Variants in TCP11L2 observed in about 807,000 individuals in gnomAD.
TCP11L2 encodes the protein t-complex 11 like 2, also known as T-complex protein 11-like protein 2.
Under a neutral mutation model 50.7 loss-of-function variants are expected in TCP11L2, and 39 were observed. The observed-to-expected ratio is 0.77, with a 90% CI of 0.60 to 1.01. The LOEUF is 1.01. TCP11L2 is among the 50% of genes least tolerant of loss of function. The pLI is 0.00. For synonymous variants in TCP11L2, 192 were observed against 219.3 expected (o/e 0.88, Z 1.10); for missense variants, 612 against 614.7 (o/e 1.00, Z 0.05).
chr12:106,299,523 C>T (rs978532900), upstream of TCP11L2, among the ~76,000 whole-genome samples: 1 of 152,178 alleles, frequency 6.6e-6, no homozygotes, highest in Admixed American at 6.5e-5. Context: ...CTCAACACAA[C>T]AGCAGCAATG....
chr12:106,321,628 TGG>T lies in TCP11L2; in HGVS notation c.559_560del (p.Gly187LysfsTer9). 1 of 1,614,232 alleles carries T rather than the reference TGG, an allele frequency of 6.2e-7. No homozygotes were observed. The highest frequency in any genetic ancestry group is 2.2e-5 in the East Asian group (1 of 44,882). ...CTGGCCAACTATGTCATCAGTACGA[TGG>T]GAAAGCTGTGTGCTCCCGTGCGAGA... is the stretch of plus-strand genomic sequence containing the variant. On this transcript the variant is annotated frameshift_variant, in exon 5 of 10. Coordinates refer to ENST00000299045, the MANE Select transcript of TCP11L2 (RefSeq NM_152772.3). LOFTEE classifies it high-confidence loss of function.
At position 106,320,128 on chromosome 12, in the gene TCP11L2, C is replaced by T. The variant is rs540293947; in HGVS notation, c.415-1358C>T. ...AAAAAAGATAGATTCCAGCTGGGCGCGGCGGCTCATGCCTGTAATCCCAGA... is the reference window on the plus strand; with the variant it reads ...AAAAAAGATAGATTCCAGCTGGGCGTGGCGGCTCATGCCTGTAATCCCAGA... On this transcript the variant is annotated intron_variant, in intron 4 of 9. Coordinates refer to ENST00000299045, the MANE Select transcript of TCP11L2 (RefSeq NM_152772.3). Among the ~76,000 whole-genome samples, 8 of 152,304 alleles carry T rather than the reference C, an allele frequency of 5.3e-5. No homozygotes were observed. The South Asian group carries it at 6.2e-4, about 12-fold the overall frequency.
upstream of TCP11L2, among the ~76,000 whole-genome samples, chr12:106,298,600 C>A (rs1001058968): frequency 6.6e-6 from 1 of 152,194 alleles, no homozygotes; most frequent in Non-Finnish European, 1.5e-5. Context: ...CAGCTCACTG[C>A]AACCTCCGCC....
Position 106,346,288 on chromosome 12 carries a change from A to G in TCP11L2, c.1318A>G (p.Lys440Glu). Residue 440 changes from lysine (K) to glutamate (E), a missense_variant and splice_region_variant, in exon 10 of 10, where the codon AAA (lysine) becomes GAA (glutamate). Lys to Glu is a moderately conservative substitution (Grantham distance 56). Transcript: ENST00000299045. ...EDNPIWSLID[K>E]RIKLYMRRLL... ...AAGTATCTTTTTTTCCCCTTCAGAT[A>G]AACGAATTAAGCTTTACATGAGAAG... The G allele has an allele frequency of 6.3e-7, 1 of 1,596,902 alleles. No homozygotes were observed. The highest frequency in any genetic ancestry group is 8.5e-7 in the Non-Finnish European group (1 of 1,171,148).
At chr12:106,334,275 T>C (rs1275727847) in intron 6 of TCP11L2, among the ~76,000 whole-genome samples, 2 of 152,194 alleles carry the variant, frequency 1.3e-5, no homozygotes, top group Non-Finnish European at 2.9e-5. Flanking sequence ...AGGACATGTT[T>C]GTTGGATTTG....
chr12:106,318,238 CTG>C, intron 3 of TCP11L2, 104 bp from the exon 4 acceptor site: 3 of 1,313,134 alleles, frequency 2.3e-6, no homozygotes, highest in Non-Finnish European at 3.1e-6. Flanking sequence ...GACAATTATT[CTG>C]TGTTTTTTTT....
intron 9 of TCP11L2, among the ~76,000 whole-genome samples, chr12:106,344,181 A>G (rs2036168073): frequency 6.6e-6 from 1 of 151,750 alleles, no homozygotes; most frequent in Admixed American, 6.6e-5. Context: ...AAATACAGAT[A>G]AGGCTTAAGT....
chr12:106,310,966 T>A, intron 1 of TCP11L2, 75 bp from the exon 2 acceptor site: 3 of 1,328,414 alleles, frequency 2.3e-6, no homozygotes, highest in Non-Finnish European at 2.1e-6. Context: ...GACAGTTGTC[T>A]ACACTGGAAG....
At position 106,305,594 on chromosome 12, in the gene TCP11L2, A is replaced by G. The variant is rs368130237; in HGVS notation, c.-36+2653A>G. 1.0e-3 allele frequency among the ~76,000 whole-genome samples: 159 copies of G among 152,362 alleles called. 4 individuals are homozygous for G. The East Asian group carries it at 0.017, about 17-fold the overall frequency. On this transcript the variant is annotated intron_variant, in intron 1 of 9. Transcript: ENST00000299045. ...AAAGAAGGAAAACTCAAGGTGTCTT[A>G]TGAATAGGAGTGTGGCGTAATTAGT...
chr12:106,319,405 T>C (rs1382055494), intron 4 of TCP11L2, among the ~76,000 whole-genome samples: 1 of 152,194 alleles, frequency 6.6e-6, no homozygotes, highest in East Asian at 1.9e-4. Flanking sequence ...TTTATGTTCT[T>C]TAGTATTGGC....
At chr12:106,336,861 AT>A (rs2035939870) in intron 8 of TCP11L2, among the ~76,000 whole-genome samples, 1 of 151,962 alleles carries the variant, frequency 6.6e-6, no homozygotes, top group South Asian at 2.1e-4. Flanking sequence ...TGACTTCATC[AT>A]TTTTCTGCAG....
chr12:106,310,061 C>T (rs1265968246), intron 1 of TCP11L2, among the ~76,000 whole-genome samples: 1 of 152,112 alleles, frequency 6.6e-6, no homozygotes, highest in Non-Finnish European at 1.5e-5. Flanking sequence ...TCAAGGTCAG[C>T]TCCCTCACGG....
At chr12:106,315,875 T>C (rs953702938) in intron 3 of TCP11L2, among the ~76,000 whole-genome samples, 10 of 152,224 alleles carry the variant, frequency 6.6e-5, no homozygotes, top group Non-Finnish European at 1.2e-4. Flanking sequence ...TTTTCAACCT[T>C]ACAGTACCAA....
At chr12:106,326,882 ACT>A (rs1345042726) in intron 6 of TCP11L2, among the ~76,000 whole-genome samples, 1 of 152,154 alleles carries the variant, frequency 6.6e-6, no homozygotes, top group African/African-American at 2.4e-5. Context: ...TATAACAAAA[ACT>A]CTATGACTCC....
intron 3 of TCP11L2, among the ~76,000 whole-genome samples, chr12:106,317,537 T>C (rs750747924): frequency 6.6e-6 from 1 of 152,124 alleles, no homozygotes; most frequent in Non-Finnish European, 1.5e-5. Context: ...GATATACTTA[T>C]CAAATTATGA....
rs2035912535 is a variant in TCP11L2, at chr12:106,336,134, G to A, written c.1063G>A (p.Ala355Thr). 6.2e-7 allele frequency: 1 copy of A among 1,613,952 alleles called. No individual in the cohort carries two copies. The highest frequency in any genetic ancestry group is 1.3e-5 in the African/African-American group (1 of 74,918). The change falls in exon 8 of 10, where the codon GCT becomes ACT. Residue 355 changes from alanine (A) to threonine (T), a missense_variant. Ala to Thr is a moderately conservative substitution (Grantham distance 58). Transcript: ENST00000299045. ...LSLITNNMVG[A>T]ITGGLPELAS... ...CCTAATTACCAACAACATGGTGGGT[G>A]CTATTACAGGAGGCCTGCCTGAGCT...
intron 6 of TCP11L2, among the ~76,000 whole-genome samples, chr12:106,331,119 TC>T (rs1474041867): frequency 6.6e-6 from 1 of 152,168 alleles, no homozygotes; most frequent in African/African-American, 2.4e-5. Flanking sequence ...AGTGATTTCT[TC>T]CTTCCTCACT....
At position 106,335,809 on chromosome 12, in the gene TCP11L2, A is replaced by G; in HGVS notation, c.943A>G (p.Lys315Glu). 1 of 1,613,668 alleles carries G rather than the reference A, an allele frequency of 6.2e-7. No individual in the cohort carries two copies. Among genetic ancestry groups the G allele is most frequent in the Non-Finnish European group, 8.5e-7 (1 of 1,179,898 alleles). Reference sequence around the variant, plus strand: ...GAAACTGTTACAGTGGGATTATCAGAAAAAAGAATTACCAGAGGTGAGTGG... The same window carrying G: ...GAAACTGTTACAGTGGGATTATCAGGAAAAAGAATTACCAGAGGTGAGTGG... ...YLKLLQWDYQ[K>E]KELPETLMTD... is the part of the protein sequence containing the mutation. Residue 315 changes from lysine to glutamate, a missense_variant, in exon 7 of 10, where the codon AAA becomes GAA. Coordinates refer to ENST00000299045, the MANE Select transcript of TCP11L2 (RefSeq NM_152772.3).
At chr12:106,335,241 C>G (rs899213267) in intron 6 of TCP11L2, among the ~76,000 whole-genome samples, 11 of 152,336 alleles carry the variant, frequency 7.2e-5, no homozygotes, top group Admixed American at 7.2e-4. Flanking sequence ...CTTCTCTGCA[C>G]AAACTCAAGG....
Sources: gnomAD v4.1 joint callset for allele counts (sites outside exome capture counted in the v4.1 genomes callset) on GRCh38, gnomAD v4.1.1 for gene constraint, MANE v1.5 for transcripts, NCBI Gene and HGNC (gene_info 2026-07-23, HGNC 2026-07-21) for gene names.